Variants in IL1RAPL2 observed in about 807,000 individuals in gnomAD.
The protein encoded by IL1RAPL2 is X-linked interleukin-1 receptor accessory protein-like 2.
A neutral mutation model predicts 44.1 loss-of-function variants in IL1RAPL2; 3 were observed. The observed-to-expected ratio is 0.07, with a 90% CI of 0.03 to 0.18. IL1RAPL2 has a LOEUF of 0.18. Ranked by LOEUF, IL1RAPL2 falls within the 10% of genes least tolerant of loss-of-function variation. The pLI, the probability that IL1RAPL2 is intolerant of heterozygous loss-of-function variation, is 1.00. For missense variants in IL1RAPL2, 391 were observed against 496.4 expected (o/e 0.79, Z 2.02); for synonymous variants, 181 against 178.8 (o/e 1.01, Z -0.10).
At chrX:105,299,811 T>G (rs1198499195) in intron 5 of IL1RAPL2, among the ~76,000 whole-genome samples, 1 of 111,867 alleles carries the variant, frequency 8.9e-6, no homozygotes, top group African/African-American at 3.2e-5. Flanking sequence ...TAACTATATT[T>G]CTGTTTGGAA....
chrX:104,898,323 T>G (rs941567833), intron 2 of IL1RAPL2, among the ~76,000 whole-genome samples: 6 of 111,958 alleles, frequency 5.4e-5, no homozygotes, highest in Non-Finnish European at 9.4e-5. Context: ...GGTGTTGATT[T>G]TATGCTACTG....
intron 2 of IL1RAPL2, among the ~76,000 whole-genome samples, chrX:104,881,114 T>C (rs1438888508): frequency 8.9e-6 from 1 of 112,012 alleles, no homozygotes. Context: ...GTAAAATTTT[T>C]ATAAAAATGT....
At chrX:105,565,047 C>G (rs2036965133) in intron 6 of IL1RAPL2, among the ~76,000 whole-genome samples, 1 of 112,142 alleles carries the variant, frequency 8.9e-6, no homozygotes, top group Admixed American at 9.5e-5. Flanking sequence ...TCAGGTAACT[C>G]GTTTAAACCT....
chrX:104,817,486 C>A (rs910050364), intron 2 of IL1RAPL2, among the ~76,000 whole-genome samples: 8 of 111,236 alleles, frequency 7.2e-5, no homozygotes, highest in Non-Finnish European at 1.5e-4. Flanking sequence ...GATCCTGAGG[C>A]CTTAATTTTG....
chrX:105,430,563 G>C (rs1174677886), intron 5 of IL1RAPL2, among the ~76,000 whole-genome samples: 1 of 111,452 alleles, frequency 9.0e-6, no homozygotes, highest in East Asian at 2.8e-4. Context: ...GTCATTTTCT[G>C]TTAGAATATT....
intron 2 of IL1RAPL2, among the ~76,000 whole-genome samples, chrX:104,865,264 G>A (rs1386697689): frequency 8.9e-6 from 1 of 111,894 alleles, no homozygotes; most frequent in African/African-American, 3.3e-5. Context: ...TATGACATAA[G>A]ATTTATTTAC....
chrX:105,307,478 AAT>A (rs1204233568), intron 5 of IL1RAPL2, among the ~76,000 whole-genome samples: 2 of 60,996 alleles, frequency 3.3e-5, no homozygotes, highest in African/African-American at 1.6e-4. Flanking sequence ...TATTATATAT[AAT>A]ATATATATTT....
Position 105,717,486 on chromosome X carries a change from G to A in IL1RAPL2, c.892G>A (p.Gly298Ser). The change falls in exon 7 of 11, where the codon GGT becomes AGT. Residue 298 changes from glycine to serine, a missense_variant. Gly to Ser is a moderately conservative substitution (Grantham distance 56, BLOSUM62 0). Coordinates refer to ENST00000372582, the MANE Select transcript of IL1RAPL2 (RefSeq NM_017416.2). Reference sequence around the variant, plus strand: ...AGAACTGGCAGGTCACATTAGAGAAGGTGAAATAAGGTAGAGAGCTTGAAT... The same window carrying A: ...AGAACTGGCAGGTCACATTAGAGAAAGTGAAATAAGGTAGAGAGCTTGAAT... ...IEELAGHIRE[G>S]EIRLLKEHLG... 1 of 1,197,128 alleles carries A rather than the reference G, an allele frequency of 8.4e-7. No individual in the cohort carries two copies. Among genetic ancestry groups the A allele is most frequent in the Non-Finnish European group, 1.1e-6 (1 of 887,063 alleles).
intron 2 of IL1RAPL2, among the ~76,000 whole-genome samples, chrX:104,697,362 TCA>T (rs1174088391): frequency 8.9e-6 from 1 of 112,731 alleles, no homozygotes; most frequent in Non-Finnish European, 1.9e-5. Context: ...CAGTTCTGTT[TCA>T]CAGTTTTTAT....
At chrX:105,324,577 G>A (rs1421398017) in intron 5 of IL1RAPL2, among the ~76,000 whole-genome samples, 3 of 111,126 alleles carry the variant, frequency 2.7e-5, no homozygotes. Flanking sequence ...TATCACCACT[G>A]ATTTAAAAAT....
chrX:105,398,156 T>G (rs901199879), intron 5 of IL1RAPL2, among the ~76,000 whole-genome samples: 1 of 111,060 alleles, frequency 9.0e-6, no homozygotes, highest in Non-Finnish European at 1.9e-5. Context: ...TTTTATTTTT[T>G]TATTTTTATT....
rs750312361 is a variant in IL1RAPL2 at position 105,342,668 on chromosome X, C to A, written c.697+75127C>A. On this transcript the variant is annotated intron_variant, in intron 5 of 10. Transcript: ENST00000372582. ...TGAACCAGACAACAGGCTATATTTACGAAACTGTTAATCAAAACAGACAGG... is the reference window on the plus strand; with the variant it reads ...TGAACCAGACAACAGGCTATATTTAAGAAACTGTTAATCAAAACAGACAGG... Among the ~76,000 whole-genome samples the A allele has an allele frequency of 4.5e-5, 5 of 112,004 alleles. No homozygotes were observed. In the South Asian group the frequency reaches 1.9e-3, roughly 42 times the overall value.
chrX:105,035,571 C>A (rs976489986), intron 2 of IL1RAPL2, among the ~76,000 whole-genome samples: 1 of 112,215 alleles, frequency 8.9e-6, no homozygotes, highest in Non-Finnish European at 1.9e-5. Flanking sequence ...AAAAAATTAA[C>A]ATGGTTTAAT....
chrX:104,857,904 T>C (rs185039172), intron 2 of IL1RAPL2, among the ~76,000 whole-genome samples: 1 of 111,566 alleles, frequency 9.0e-6, no homozygotes, highest in Non-Finnish European at 1.9e-5. Flanking sequence ...AAATCTTCAC[T>C]TTTTAAAGCT....
chrX:105,363,308 AATATAT>A (rs1219827978), intron 5 of IL1RAPL2, among the ~76,000 whole-genome samples: 2 of 68,569 alleles, frequency 2.9e-5, no homozygotes, highest in Non-Finnish European at 4.6e-5. Context: ...ATATATATAT[AATATAT>A]ATATATATAT....
chrX:105,521,196 A>T (rs886254665), intron 6 of IL1RAPL2, among the ~76,000 whole-genome samples: 1 of 105,293 alleles, frequency 9.5e-6, no homozygotes, highest in African/African-American at 3.5e-5. Flanking sequence ...TGCCTGCCTC[A>T]GCCTGCCAAA....
chrX:104,794,057 T>C (rs943231848), intron 2 of IL1RAPL2, among the ~76,000 whole-genome samples: 20 of 112,088 alleles, frequency 1.8e-4, no homozygotes, highest in African/African-American at 6.5e-4. Context: ...CTACCAAGGA[T>C]GAATGTATTA....
chrX:105,081,337 A>G (rs2032403498), intron 2 of IL1RAPL2, among the ~76,000 whole-genome samples: 1 of 111,220 alleles, frequency 9.0e-6, no homozygotes, highest in Admixed American at 9.6e-5. Context: ...CCATTCAGTA[A>G]GAAAGTAAGG....
At chrX:104,732,456 A>G (rs771179223) in intron 2 of IL1RAPL2, among the ~76,000 whole-genome samples, 29 of 112,234 alleles carry the variant, frequency 2.6e-4, no homozygotes, top group Middle Eastern at 4.6e-3. Flanking sequence ...CTGTAGATAC[A>G]GTCAAATTTA....
Sources: gnomAD v4.1 joint callset for allele counts (sites outside exome capture counted in the v4.1 genomes callset) on GRCh38, gnomAD v4.1.1 for gene constraint, MANE v1.5 for transcripts, NCBI Gene and HGNC (gene_info 2026-07-23, HGNC 2026-07-21) for gene names.